NFXL1: variants seen among roughly 807,000 people sequenced by gnomAD.
NFXL1 encodes NF-X1-type zinc finger protein NFXL1.
NFXL1 carries 66 observed loss-of-function variants against 123.3 expected under a neutral mutation model. The observed-to-expected ratio is 0.54, with a 90% CI of 0.44 to 0.66. The LOEUF (loss-of-function observed/expected upper bound fraction) is 0.66. Ranked by LOEUF, NFXL1 falls within the 30% of genes least tolerant of loss-of-function variation. The pLI is 0.00. For missense variants in NFXL1, 944 were observed against 1,125.6 expected (o/e 0.84, Z 2.31); for synonymous variants, 346 against 360.8 (o/e 0.96, Z 0.46).
intron 11 of NFXL1, among the ~76,000 whole-genome samples, chr4:47,891,695 A>G (rs1396797073): frequency 1.3e-5 from 2 of 152,242 alleles, no homozygotes; most frequent in Non-Finnish European, 2.9e-5. Context: ...TTAGGGTTGT[A>G]TATAAGAGTA....
At position 47,903,243 on chromosome 4, in the gene NFXL1, T is replaced by G; in HGVS notation, c.597A>C (p.Val199=). 6.2e-7 allele frequency: 1 copy of G among 1,600,786 alleles called. No individual in the cohort carries two copies. The highest frequency in any genetic ancestry group is 8.5e-7 in the Non-Finnish European group (1 of 1,173,378). Residue 199 remains valine, a synonymous_variant, in exon 5 of 23, where the codon GTA becomes GTC. Coordinates refer to ENST00000507489, the MANE Select transcript of NFXL1 (RefSeq NM_001278624.2). ...CAAAATCATCATCAGTCACAGAAGA[T>G]ACAAGAAACTGGCTGTCTTTAGCCC... ...QKWAKDSQFL[V]SSVTDDDFGK...
Position 47,890,467 on chromosome 4 carries a change from C to T in NFXL1, c.1543+146G>A, listed in dbSNP as rs191422658. On this transcript the variant is annotated intron_variant, in intron 12 of 22. Transcript: ENST00000507489. ...ATAAAATAGAGACACTGGCAAACTG[C>T]CTTACCTTCTTCTCCAGGTTAAGAG... 2.1e-4 allele frequency: 122 copies of T among 582,540 alleles called. 1 individual carries two copies. In the Admixed American group the frequency reaches 3.1e-3, roughly 15 times the overall value. The allele number at this position is 582,540 out of a possible 1,614,324, so 36.1% of individuals were successfully genotyped here.
intron 2 of NFXL1, among the ~76,000 whole-genome samples, chr4:47,912,026 T>C (rs186736244): frequency 6.6e-6 from 1 of 152,324 alleles, no homozygotes; most frequent in East Asian, 1.9e-4. Flanking sequence ...TTATCTTGGG[T>C]GGTATATTCG....
chr4:47,902,008 C>G (rs1324176369), intron 5 of NFXL1, among the ~76,000 whole-genome samples: 2 of 151,940 alleles, frequency 1.3e-5, no homozygotes, highest in African/African-American at 4.8e-5. Context: ...ATGGTGAAAC[C>G]CCATCTCTAC....
chr4:47,876,081 C>T (rs1490203395), intron 17 of NFXL1, among the ~76,000 whole-genome samples: 1 of 151,966 alleles, frequency 6.6e-6, no homozygotes, highest in Non-Finnish European at 1.5e-5. Flanking sequence ...GCCATGATTA[C>T]AACAGTTATT....
At chr4:47,878,724 A>G in intron 16 of NFXL1, 59 bp from the exon 17 acceptor site, 1 of 1,269,646 alleles carries the variant, frequency 7.9e-7, no homozygotes, top group South Asian at 2.4e-5. Flanking sequence ...TGGACATATT[A>G]TATGTTTCCA....
At chr4:47,905,442 A>T (rs117822130) in intron 3 of NFXL1, 96 bp from the exon 4 acceptor site, 1 of 590,804 alleles carries the variant, frequency 1.7e-6, no homozygotes, top group South Asian at 2.3e-5. Context: ...CTGTCTAGCA[A>T]TATCAATTGC....
At position 47,885,860 on chromosome 4, in the gene NFXL1, T is replaced by C; in HGVS notation, c.1664+19A>G. ...TTGTACAACATCAGATGGAAGCTTG[T>C]GCAAAGCTTCAAACTCACCTGCATT... On this transcript the variant is annotated intron_variant, in intron 13 of 22. Transcript: ENST00000507489. 6.2e-7 allele frequency: 1 copy of C among 1,600,652 alleles called. No individual in the cohort carries two copies. The highest frequency in any genetic ancestry group is 8.5e-7 in the Non-Finnish European group (1 of 1,175,940).
At chr4:47,898,363 G>A (rs939062140) in intron 8 of NFXL1, among the ~76,000 whole-genome samples, 4 of 152,102 alleles carry the variant, frequency 2.6e-5, no homozygotes, top group Non-Finnish European at 5.9e-5. Context: ...TCACCAAGGA[G>A]TTCTAAGTGG....
At chr4:47,884,566 A>T in intron 14 of NFXL1, 129 bp from the exon 15 acceptor site, 1 of 560,232 alleles carries the variant, frequency 1.8e-6, no homozygotes, top group Non-Finnish European at 3.3e-6. Context: ...TAATCAATAA[A>T]TTGTGCTTAC....
chr4:47,894,445 G>T, intron 10 of NFXL1, 143 bp from the exon 11 acceptor site: 1 of 480,774 alleles, frequency 2.1e-6, no homozygotes. Context: ...AAACCAATTT[G>T]AATTTCCTAA....
intron 15 of NFXL1, among the ~76,000 whole-genome samples, chr4:47,883,333 C>T (rs1356912275): frequency 2.6e-5 from 4 of 152,000 alleles, no homozygotes; most frequent in African/African-American, 4.8e-5. Flanking sequence ...ACAACATTTT[C>T]GTGCCTATGA....
intron 9 of NFXL1, 164 bp from the exon 10 acceptor site, chr4:47,896,811 CT>C: frequency 1.8e-6 from 1 of 547,008 alleles, no homozygotes; most frequent in Non-Finnish European, 3.2e-6. Context: ...AAAATAATCC[CT>C]AATATTTGTG....
chr4:47,894,380 T>A, intron 10 of NFXL1, 78 bp from the exon 11 acceptor site: 1 of 1,060,250 alleles, frequency 9.4e-7, no homozygotes, highest in Non-Finnish European at 1.3e-6. Flanking sequence ...CTACAATTAT[T>A]AAAACATAAT....
chr4:47,909,520 T>A (rs967651991), intron 3 of NFXL1, among the ~76,000 whole-genome samples: 2 of 152,210 alleles, frequency 1.3e-5, no homozygotes, highest in Admixed American at 6.5e-5. Context: ...TTCCTGGTTT[T>A]AACAGTATAC....
intron 10 of NFXL1, among the ~76,000 whole-genome samples, chr4:47,895,014 G>A (rs898681594): frequency 6.6e-6 from 1 of 152,122 alleles, no homozygotes; most frequent in African/African-American, 2.4e-5. Flanking sequence ...TGGCAGACAT[G>A]GCATAAAAAC....
At chr4:47,853,825 A>AT (rs1256285106) in intron 20 of NFXL1, among the ~76,000 whole-genome samples, 2 of 152,038 alleles carry the variant, frequency 1.3e-5, no homozygotes, top group Non-Finnish European at 2.9e-5. Flanking sequence ...ACACATACAC[A>AT]TTTTTTATAC....
rs1322807353 is a variant in NFXL1, at chr4:47,878,751, A to G, written c.1939-86T>C. On this transcript the variant is annotated intron_variant, in intron 16 of 22. Transcript: ENST00000507489. ...ATGTTTCCAAAATTACTCTGCTATCATTTGAGAACAAGTTTCAGAAAGGTA... is the reference window on the plus strand; with the variant it reads ...ATGTTTCCAAAATTACTCTGCTATCGTTTGAGAACAAGTTTCAGAAAGGTA... The G allele has an allele frequency of 8.4e-6, 8 of 952,800 alleles. No individual in the cohort carries two copies. The South Asian group carries it at 1.5e-4, about 18-fold the overall frequency. The allele number at this position is 952,800 out of a possible 1,614,324, so 59.0% of individuals were successfully genotyped here.
intron 15 of NFXL1, among the ~76,000 whole-genome samples, chr4:47,881,880 G>A (rs1736136097): frequency 6.6e-6 from 1 of 152,124 alleles, no homozygotes; most frequent in Non-Finnish European, 1.5e-5. Flanking sequence ...TTTGAGACGG[G>A]GAGGGGAAAA....
Sources: gnomAD v4.1 joint callset for allele counts (sites outside exome capture counted in the v4.1 genomes callset) on GRCh38, gnomAD v4.1.1 for gene constraint, MANE v1.5 for transcripts, NCBI Gene and HGNC (gene_info 2026-07-23, HGNC 2026-07-21) for gene names.